Variants in TIMP2 observed in about 807,000 individuals in gnomAD.
TIMP2 encodes TIMP metallopeptidase inhibitor 2.
Under a neutral mutation model 24.3 loss-of-function variants are expected in TIMP2, and 5 were observed. The ratio of observed to expected loss-of-function variants is 0.21; its 90% CI spans 0.11 to 0.43. The LOEUF (loss-of-function observed/expected upper bound fraction) is 0.43. Ranked by LOEUF, TIMP2 falls within the 20% of genes least tolerant of loss-of-function variation. TIMP2 has a pLI of 1.00. For missense variants in TIMP2, 221 were observed against 297.5 expected (o/e 0.74, Z 1.89); for synonymous variants, 130 against 123.2 (o/e 1.06, Z -0.37).
At chr17:78,865,534 GA>G (rs1386687620) in intron 3 of TIMP2, among the ~76,000 whole-genome samples, 8 of 150,886 alleles carry the variant, frequency 5.3e-5, no homozygotes, top group Middle Eastern at 3.2e-3. Flanking sequence ...TGAGGCAGGA[GA>G]ATCACTTGAA....
Position 78,924,778 on chromosome 17 carries a change from G to A in TIMP2, c.130+181C>T, listed in dbSNP as rs1288908051. 6.6e-6 allele frequency among the ~76,000 whole-genome samples: 1 copy of A among 152,100 alleles called. No homozygotes were observed. The highest frequency in any genetic ancestry group is 2.4e-5 in the African/African-American group (1 of 41,438). On this transcript the variant is annotated intron_variant, in intron 1 of 4. Transcript: ENST00000262768. The surrounding 1 kb of genome is among the most constrained non-coding windows in gnomAD (Gnocchi z 5.3). ...AAGAGAGGGAAAGAAAGGGAGAGGA[G>A]GGAGGGGGGAAAGAAAGTCGGCTCT...
intron 1 of TIMP2, among the ~76,000 whole-genome samples, chr17:78,913,477 G>A (rs1348828303): frequency 6.6e-6 from 1 of 152,204 alleles, no homozygotes; most frequent in African/African-American, 2.4e-5. Context: ...TTGGGAGGCC[G>A]AGGTGGGAAG....
chr17:78,862,882 G>T (rs1030470190), intron 3 of TIMP2, among the ~76,000 whole-genome samples: 3 of 152,224 alleles, frequency 2.0e-5, no homozygotes, highest in African/African-American at 7.2e-5. Flanking sequence ...TGGCTGCAAA[G>T]GACATGATTT....
chr17:78,894,603 C>T (rs2069968857), intron 1 of TIMP2, among the ~76,000 whole-genome samples: 1 of 151,966 alleles, frequency 6.6e-6, no homozygotes, highest in South Asian at 2.1e-4. Flanking sequence ...TGGATATCCA[C>T]AGGCAAAAAA....
At chr17:78,892,299 G>C (rs1248622416) in intron 1 of TIMP2, 10 of 1,550,528 alleles carry the variant, frequency 6.4e-6, no homozygotes, top group Non-Finnish European at 8.7e-6. Context: ...TCGTTATCAG[G>C]ACAGAGGCTC....
chr17:78,894,041 C>T (rs2069959889), intron 1 of TIMP2, among the ~76,000 whole-genome samples: 1 of 152,158 alleles, frequency 6.6e-6, no homozygotes, highest in African/African-American at 2.4e-5. Flanking sequence ...TGGAGTCAAA[C>T]GTAGTTGCAG....
At chr17:78,899,536 G>C (rs1283528150) in intron 1 of TIMP2, 1 of 152,256 alleles carries the variant, frequency 6.6e-6, no homozygotes, top group Non-Finnish European at 1.5e-5. Context: ...AATGCAGCCA[G>C]TTCACCAGCT....
chr17:78,878,161 G>C (rs2069745216), intron 1 of TIMP2, among the ~76,000 whole-genome samples: 1 of 152,152 alleles, frequency 6.6e-6, no homozygotes, highest in South Asian at 2.1e-4. Flanking sequence ...TTCACATGCT[G>C]TTCTCTTACA....
intron 1 of TIMP2, among the ~76,000 whole-genome samples, chr17:78,909,735 C>T (rs2070191427): frequency 6.6e-6 from 1 of 152,168 alleles, no homozygotes; most frequent in Non-Finnish European, 1.5e-5. Flanking sequence ...CAGCGTCATG[C>T]TACCGACACT....
Position 78,891,803 on chromosome 17 carries a change from C to G in TIMP2, c.131-17884G>C. ...AGGATGGATGGCACAGCGGCCACCC[C>G]CAGACTTGGTCGAAGGTTCTGGCCT... On this transcript the variant is annotated intron_variant, in intron 1 of 4. Transcript: ENST00000262768. The surrounding 1 kb of genome is among the most constrained non-coding windows in gnomAD (Gnocchi z 4.5). 2 of 1,551,000 alleles carry G rather than the reference C, an allele frequency of 1.3e-6. No individual in the cohort carries two copies. Among genetic ancestry groups the G allele is most frequent in the Non-Finnish European group, 1.7e-6 (2 of 1,147,080 alleles).
intron 1 of TIMP2, among the ~76,000 whole-genome samples, chr17:78,909,516 G>GT (rs2070189298): frequency 6.7e-6 from 1 of 150,326 alleles, no homozygotes; most frequent in African/African-American, 2.5e-5. Flanking sequence ...GTCAAGTGCT[G>GT]TGTCACTGAA....
intron 1 of TIMP2, among the ~76,000 whole-genome samples, chr17:78,879,979 C>T (rs2069764748): frequency 2.6e-5 from 4 of 152,136 alleles, no homozygotes; most frequent in South Asian, 4.2e-4. Flanking sequence ...GGATGGGCTA[C>T]GGTCAGACTT....
In TIMP2 at chr17:78,896,154, T is replaced by C. The variant is rs117398514; in HGVS notation, c.131-22235A>G. 2.1e-3 allele frequency among the ~76,000 whole-genome samples: 323 copies of C among 152,350 alleles called. 6 individuals are homozygous for C. In the East Asian group the frequency reaches 0.053, roughly 25 times the overall value. ...CCATCAGATGCAACCTCGTCCCCGC[T>C]ACCCCAGCTCTCCTTGCTCTCCCCT... is the stretch of plus-strand genomic sequence containing the variant. On this transcript the variant is annotated intron_variant, in intron 1 of 4. Coordinates refer to ENST00000262768, the MANE Select transcript of TIMP2 (RefSeq NM_003255.5). The surrounding 1 kb of genome is among the most constrained non-coding windows in gnomAD (Gnocchi z 4.4).
At chr17:78,876,020 C>T (rs1292131737) in intron 1 of TIMP2, among the ~76,000 whole-genome samples, 2 of 152,208 alleles carry the variant, frequency 1.3e-5, no homozygotes, top group Non-Finnish European at 2.9e-5. Flanking sequence ...TCCTGAAAAG[C>T]CACATCTAGG....
At position 78,854,818 on chromosome 17, in the gene TIMP2, C is replaced by T. The variant is rs1266213583; in HGVS notation, c.*849G>A. The T allele has an allele frequency of 1.3e-5, 2 of 152,118 alleles. No individual in the cohort carries two copies. The highest frequency in any genetic ancestry group is 1.9e-4 in the East Asian group (1 of 5,172). 9.4% of individuals were successfully genotyped at this position (152,118 alleles called of 1,614,324 possible). On this transcript the variant is annotated 3_prime_UTR_variant, in exon 5 of 5. Transcript: ENST00000262768. ...AGAACAGGCAAGAAGCAATGGCAAC[C>T]GCAGCAGCTAGGGAAGGGACCTTGA...
At chr17:78,879,605 G>A (rs989030627) in intron 1 of TIMP2, among the ~76,000 whole-genome samples, 11 of 152,184 alleles carry the variant, frequency 7.2e-5, no homozygotes, top group African/African-American at 2.4e-4. Flanking sequence ...GCGAGAGGGG[G>A]AGTCTTTATA....
intron 1 of TIMP2, among the ~76,000 whole-genome samples, chr17:78,884,296 C>T (rs1051299057): frequency 2.0e-4 from 30 of 152,294 alleles, no homozygotes; most frequent in African/African-American, 7.0e-4. Flanking sequence ...TGCGACAGCG[C>T]GAGGTGGGCA....
At chr17:78,867,358 G>A (rs2145751138) in intron 3 of TIMP2, among the ~76,000 whole-genome samples, 1 of 152,304 alleles carries the variant, frequency 6.6e-6, no homozygotes, top group African/African-American at 2.4e-5. Context: ...GAGAGGGATA[G>A]AAGTCTTGAT....
At chr17:78,922,273 T>C (rs2070313430) in intron 1 of TIMP2, 1 of 152,164 alleles carries the variant, frequency 6.6e-6, no homozygotes, top group East Asian at 1.9e-4. Context: ...CCCTGTGGGA[T>C]TTGTTCCGGG....
Sources: gnomAD v4.1 joint callset for allele counts (sites outside exome capture counted in the v4.1 genomes callset) on GRCh38, gnomAD v4.1.1 for gene constraint, Gnocchi (gnomAD v3.1) non-coding constraint, MANE v1.5 for transcripts, NCBI Gene and HGNC (gene_info 2026-07-23, HGNC 2026-07-21) for gene names.